PRSS57: variants seen among roughly 807,000 people sequenced by gnomAD.
PRSS57 encodes serine protease 57, also known as neutrophil serine protease 4.
A neutral mutation model predicts 20.6 loss-of-function variants in PRSS57; 19 were observed. That is an observed-to-expected ratio of 0.92 (90% confidence interval 0.64 to 1.35). PRSS57 has a LOEUF of 1.35. PRSS57 is among the 40% of genes most tolerant of loss of function. The pLI is 0.00. For missense variants in PRSS57, 440 were observed against 403.7 expected (o/e 1.09, Z -0.77); for synonymous variants, 203 against 176.6 (o/e 1.15, Z -1.19).
At chr19:692,213 T>C (rs956030859) in intron 2 of PRSS57, among the ~76,000 whole-genome samples, 6 of 150,344 alleles carry the variant, frequency 4.0e-5, no homozygotes, top group African/African-American at 1.5e-4. Context: ...CTACTAAAAA[T>C]ACAAAATTAG....
intron 2 of PRSS57, among the ~76,000 whole-genome samples, chr19:692,308 G>T (rs2144815835): frequency 6.6e-6 from 1 of 151,794 alleles, no homozygotes; most frequent in East Asian, 2.0e-4. Flanking sequence ...GGCGGAGGTT[G>T]CAGTGAGCTG....
chr19:690,800 A>C (rs999631299), intron 3 of PRSS57: 5 of 344,328 alleles, frequency 1.5e-5, no homozygotes, highest in Non-Finnish European at 2.8e-5. Context: ...CGTTGTCCCC[A>C]TGCACAGAGG....
At chr19:692,715 C>T (rs1238730355) in intron 2 of PRSS57, among the ~76,000 whole-genome samples, 1 of 151,578 alleles carries the variant, frequency 6.6e-6, no homozygotes, top group African/African-American at 2.4e-5. Flanking sequence ...CGGTGCCCAG[C>T]CCCCAACTTA....
At chr19:692,338 C>CA (rs2031671421) in intron 2 of PRSS57, among the ~76,000 whole-genome samples, 1 of 150,864 alleles carries the variant, frequency 6.6e-6, no homozygotes, top group Admixed American at 6.6e-5. Context: ...CATTGCACTC[C>CA]AGCCTGAGCG....
At chr19:686,700 T>G (rs1222432541) in intron 4 of PRSS57, among the ~76,000 whole-genome samples, 1 of 152,100 alleles carries the variant, frequency 6.6e-6, no homozygotes, top group Non-Finnish European at 1.5e-5. Context: ...ACTGCTTGTA[T>G]AAATACACAA....
At chr19:691,077 TC>T (rs1264883246) in intron 3 of PRSS57, 23 of 246,974 alleles carry the variant, frequency 9.3e-5, no homozygotes, top group Middle Eastern at 3.1e-3. Flanking sequence ...ACCTCTGTAT[TC>T]CCCAAGTCTC....
rs370305351 is a variant in PRSS57, at chr19:688,344, C to CTTT, written c.379-1159_379-1157dup. On this transcript the variant is annotated intron_variant, in intron 3 of 4. Coordinates refer to ENST00000329267, the MANE Select transcript of PRSS57 (RefSeq NM_001308209.2). Reference sequence around the variant, plus strand: ...TGGCTACTGGCACTTGCTCCTCCTCCTTTTTTTTTTGTTTTTTTCAGAGTC... The same window carrying CTTT: ...TGGCTACTGGCACTTGCTCCTCCTCCTTTTTTTTTTTTTGTTTTTTTCAGAGTC... Among the ~76,000 whole-genome samples the CTTT allele has an allele frequency of 1.7e-4, 24 of 143,550 alleles. 1 individual carries two copies. The highest frequency in any genetic ancestry group is 2.2e-4 in the South Asian group (1 of 4,610). The allele number at this position is 143,550 out of a possible 152,430, so 94.2% of individuals were successfully genotyped here.
chr19:688,344 C>CTTTTT (rs370305351), intron 3 of PRSS57, among the ~76,000 whole-genome samples: 1 of 143,528 alleles, frequency 7.0e-6, no homozygotes, highest in Non-Finnish European at 1.5e-5. Flanking sequence ...GCTCCTCCTC[C>CTTTTT]TTTTTTTTTT....
At chr19:694,711 C>A (rs2031738446) in intron 2 of PRSS57, 103 bp downstream of exon 2, 1 of 1,343,530 alleles carries the variant, frequency 7.4e-7, no homozygotes, top group Non-Finnish European at 1.0e-6. Context: ...GAGACTCCCC[C>A]TCCTGCAGGA....
intron 3 of PRSS57, among the ~76,000 whole-genome samples, chr19:688,098 C>T (rs1262517847): frequency 6.6e-6 from 1 of 152,252 alleles, no homozygotes; most frequent in Non-Finnish European, 1.5e-5. Context: ...GGCCCTGGCC[C>T]TGGCAATTGG....
intron 3 of PRSS57, among the ~76,000 whole-genome samples, chr19:688,693 G>C (rs1267811750): frequency 1.3e-5 from 2 of 150,100 alleles, no homozygotes; most frequent in Non-Finnish European, 3.0e-5. Flanking sequence ...CTGCCTCCCA[G>C]GTTCAAGTGA....
chr19:695,018 G>A (rs748948946), intron 1 of PRSS57, 51 bp from the exon 2 acceptor site: 78 of 1,467,732 alleles, frequency 5.3e-5, no homozygotes, highest in East Asian at 3.7e-4. Flanking sequence ...AACGGATGAC[G>A]GGGCTGGGGT....
In PRSS57 at chr19:686,110, C is replaced by A. The variant is rs1386884902; in HGVS notation, c.643-188G>T. Reference sequence around the variant, plus strand: ...CACTTCTCTGCCCTCCCCGCTGAGCCTCCTCAGTGCTCCACGGCCTTTGTA... The same window carrying A: ...CACTTCTCTGCCCTCCCCGCTGAGCATCCTCAGTGCTCCACGGCCTTTGTA... On this transcript the variant is annotated intron_variant, in intron 4 of 4. Transcript: ENST00000329267. Among the ~76,000 whole-genome samples, 3 of 152,174 alleles carry A rather than the reference C, an allele frequency of 2.0e-5. No homozygotes were observed. The East Asian group carries it at 5.8e-4, about 29-fold the overall frequency.
In PRSS57 at chr19:692,857, T is replaced by C. The variant is rs532430197; in HGVS notation, c.234-855A>G. On this transcript the variant is annotated intron_variant, in intron 2 of 4. Coordinates refer to ENST00000329267, the MANE Select transcript of PRSS57 (RefSeq NM_001308209.2). ...TATTTAGAATGAAGATAATACTTAT[T>C]ATATTTATTATAAGTTCTATTTCAA... 1.4e-4 allele frequency among the ~76,000 whole-genome samples: 22 copies of C among 152,138 alleles called. No homozygotes were observed. In the South Asian group the frequency reaches 1.7e-3, roughly 11 times the overall value.
At chr19:689,772 C>T (rs952514625) in intron 3 of PRSS57, among the ~76,000 whole-genome samples, 3 of 151,468 alleles carry the variant, frequency 2.0e-5, no homozygotes, top group Non-Finnish European at 4.4e-5. Flanking sequence ...TATAAAAATT[C>T]GCCTGGCGCA....
At position 687,176 on chromosome 19, in the gene PRSS57, C is replaced by G. The variant is rs202190785; in HGVS notation, c.391G>C (p.Ala131Pro). 6.7e-5 allele frequency: 103 copies of G among 1,547,792 alleles called. No individual in the cohort carries two copies. In the African/African-American group the frequency reaches 1.3e-3, roughly 19 times the overall value. The change falls in exon 4 of 5, where the codon GCT becomes CCT. Residue 131 changes from alanine to proline, a missense_variant. Transcript: ENST00000329267. ...DICLLRLNGS[A>P]VLGPAVGLLR... ...AGCCCCACTGCAGGGCCCAGGACAG[C>G]AGAGCCGTTCAGCTGCAGGGAGAGC...
chr19:690,626 T>G (rs1471750556), intron 3 of PRSS57: 2 of 243,396 alleles, frequency 8.2e-6, no homozygotes, highest in African/African-American at 2.3e-5. Context: ...GGACGAGGTT[T>G]TGGAGATTAT....
rs1261058949 is a variant in PRSS57 at position 685,678 on chromosome 19, G to A, written c.*38C>T. On this transcript the variant is annotated 3_prime_UTR_variant, in exon 5 of 5. Coordinates refer to ENST00000329267, the MANE Select transcript of PRSS57 (RefSeq NM_001308209.2). ...CCCAGCCACGGAACATTCCAGGCCT[G>A]GAGCGGCCATCTCATTTGCATGCCG... 6.8e-7 allele frequency: 1 copy of A among 1,479,946 alleles called. No individual in the cohort carries two copies. Among genetic ancestry groups the A allele is most frequent in the African/African-American group, 1.4e-5 (1 of 71,466 alleles). 91.7% of individuals were successfully genotyped at this position (1,479,946 alleles called of 1,614,324 possible). A position where few individuals can be genotyped will look rare whatever the true frequency, so the allele number is the denominator to read the frequency against.
intron 2 of PRSS57, 121 bp downstream of exon 2, chr19:694,693 C>T (rs903884730): frequency 4.3e-6 from 5 of 1,153,726 alleles, no homozygotes; most frequent in Non-Finnish European, 6.0e-6. Flanking sequence ...TTAAATCCAG[C>T]CCCTGCTGAG....
Sources: gnomAD v4.1 joint callset for allele counts (sites outside exome capture counted in the v4.1 genomes callset) on GRCh38, gnomAD v4.1.1 for gene constraint, MANE v1.5 for transcripts, NCBI Gene and HGNC (gene_info 2026-07-23, HGNC 2026-07-21) for gene names.